ADGRL4: variants seen among roughly 807,000 people sequenced by gnomAD.
The protein encoded by ADGRL4 is EGF, latrophilin and seven transmembrane domain containing 1.
A neutral mutation model predicts 74.8 loss-of-function variants in ADGRL4; 90 were observed. The observed-to-expected ratio is 1.20, with a 90% confidence interval of 1.02 to 1.43. The LOEUF is 1.43. Among genes scored for constraint, ADGRL4 ranks in the 40% most tolerant of loss-of-function variants. The pLI is 0.00. For synonymous variants in ADGRL4, 311 were observed against 279.2 expected, an observed-to-expected ratio of 1.11 and a Z score of -1.14; for missense variants, 881 against 814.3, an observed-to-expected ratio of 1.08 and a Z score of -1.00.
intron 2 of ADGRL4, among the ~76,000 whole-genome samples, chr1:78,988,812 AAAAC>A (rs1369924514): frequency 1.3e-5 from 2 of 151,852 alleles, no homozygotes; most frequent in Admixed American, 6.6e-5. Context: ...ATTCGTCTTT[AAAAC>A]AAACAAAGTT....
chr1:78,927,140 T>A, intron 7 of ADGRL4, 49 bp from the exon 8 acceptor site: 1 of 1,198,428 alleles, frequency 8.3e-7, no homozygotes, highest in Non-Finnish European at 1.2e-6. Flanking sequence ...AAACAAAGTG[T>A]ATTTAGACTC....
Position 78,891,097 on chromosome 1 carries a change from T to A in ADGRL4, c.*57A>T. 2 of 1,536,838 alleles carry A rather than the reference T, an allele frequency of 1.3e-6. No individual in the cohort carries two copies. The highest frequency in any genetic ancestry group is 1.8e-6 in the Non-Finnish European group (2 of 1,110,698). ...ATGAGTCATTTTTATACATTGGTCA[T>A]CCACAGCTTGGAATTTTTATTTTTG... On this transcript the variant is annotated 3_prime_UTR_variant, in exon 15 of 15. Coordinates refer to ENST00000370742, the MANE Select transcript of ADGRL4 (RefSeq NM_022159.4).
Position 78,956,948 on chromosome 1 carries a change from C to A in ADGRL4, c.173-10522G>T, listed in dbSNP as rs181569039. On this transcript the variant is annotated intron_variant, in intron 2 of 14. Coordinates refer to ENST00000370742, the MANE Select transcript of ADGRL4 (RefSeq NM_022159.4). ...CATTGGCATCATTTTTCCAAAAGCA[C>A]GCGCTCACTTCAAGTCTGTGTCATA... 2.6e-3 allele frequency among the ~76,000 whole-genome samples: 393 copies of A among 152,220 alleles called. 2 individuals are homozygous for A. The highest frequency in any genetic ancestry group is 0.017 in the Middle Eastern group (5 of 294).
At chr1:78,938,788 T>A (rs1219014024) in intron 4 of ADGRL4, among the ~76,000 whole-genome samples, 2 of 152,108 alleles carry the variant, frequency 1.3e-5, no homozygotes, top group African/African-American at 4.8e-5. Flanking sequence ...AATTATTTTA[T>A]AAATCACCTA....
At chr1:78,943,563 A>G (rs1325155149) in intron 3 of ADGRL4, among the ~76,000 whole-genome samples, 2 of 152,194 alleles carry the variant, frequency 1.3e-5, no homozygotes, top group Admixed American at 1.3e-4. Context: ...TTTTTTATTC[A>G]TAGAGATTTT....
intron 12 of ADGRL4, among the ~76,000 whole-genome samples, chr1:78,915,711 AAT>A (rs1447864217): frequency 6.6e-6 from 1 of 151,804 alleles, no homozygotes; most frequent in Non-Finnish European, 1.5e-5. Flanking sequence ...TTTGGTGTTC[AAT>A]ATCTCTTTGA....
rs143950547 is a variant in ADGRL4, at chr1:79,001,008, C to T, written c.172+4062G>A. On this transcript the variant is annotated intron_variant, in intron 2 of 14. Transcript: ENST00000370742. Reference sequence around the variant, plus strand: ...TGAAGCAAAACATACATATAATATTCGTGAGATATATACTTGTAATTTTTG... The same window carrying T: ...TGAAGCAAAACATACATATAATATTTGTGAGATATATACTTGTAATTTTTG... 2.6e-3 allele frequency among the ~76,000 whole-genome samples: 402 copies of T among 151,874 alleles called. 1 individual carries two copies. The highest frequency in any genetic ancestry group is 9.4e-3 in the African/African-American group (388 of 41,396).
intron 2 of ADGRL4, among the ~76,000 whole-genome samples, chr1:78,954,176 T>TAAC (rs1162860419): frequency 0.019 from 2,948 of 151,740 alleles, 85 homozygotes; most frequent in African/African-American, 0.06. Flanking sequence ...AAATAAATAA[T>TAAC]AAATAAATAG....
intron 12 of ADGRL4, among the ~76,000 whole-genome samples, chr1:78,903,145 C>A (rs757160659): frequency 1.3e-5 from 2 of 152,158 alleles, no homozygotes; most frequent in African/African-American, 4.8e-5. Flanking sequence ...CATGTCAGAT[C>A]TGAGCCATTC....
At chr1:79,006,275 T>A (rs1650960428) in intron 1 of ADGRL4, among the ~76,000 whole-genome samples, 1 of 152,140 alleles carries the variant, frequency 6.6e-6, no homozygotes, top group Non-Finnish European at 1.5e-5. Flanking sequence ...CACAGTATGT[T>A]CAAAATGAAG....
chr1:78,967,556 G>A (rs149246055), intron 2 of ADGRL4, among the ~76,000 whole-genome samples: 352 of 152,232 alleles, frequency 2.3e-3, no homozygotes, highest in African/African-American at 8.3e-3. Flanking sequence ...GTAAATTTTT[G>A]TTCAGGGTTA....
At chr1:78,892,988 G>A in intron 13 of ADGRL4, 110 bp downstream of exon 13, 1 of 660,218 alleles carries the variant, frequency 1.5e-6, no homozygotes, top group Non-Finnish European at 2.5e-6. Context: ...ATATGGTAAA[G>A]TATGAAACAA....
chr1:78,981,967 C>G (rs1006501334), intron 2 of ADGRL4, among the ~76,000 whole-genome samples: 5 of 151,664 alleles, frequency 3.3e-5, no homozygotes, highest in African/African-American at 9.7e-5. Flanking sequence ...TCTTTGTAAT[C>G]TGCCTCATAT....
intron 2 of ADGRL4, among the ~76,000 whole-genome samples, chr1:78,992,741 CCAGA>C (rs1650633392): frequency 6.6e-6 from 1 of 151,976 alleles, no homozygotes; most frequent in South Asian, 2.1e-4. Context: ...AATTTTTATG[CCAGA>C]CAAATTTGAT....
intron 8 of ADGRL4, among the ~76,000 whole-genome samples, 178 bp downstream of exon 8, chr1:78,926,708 G>T (rs568192088): frequency 6.6e-6 from 1 of 152,024 alleles, no homozygotes; most frequent in South Asian, 2.1e-4. Context: ...AATGTTTAAA[G>T]AGCTGTGAAA....
At chr1:78,963,204 T>C (rs12045470) in intron 2 of ADGRL4, among the ~76,000 whole-genome samples, 13,642 of 152,254 alleles carry the variant, frequency 0.09, 821 homozygotes, top group East Asian at 0.34. Flanking sequence ...ACATCTATTA[T>C]TGACAAGTTG....
chr1:79,003,788 A>G (rs1242263492), intron 2 of ADGRL4, among the ~76,000 whole-genome samples: 2 of 152,066 alleles, frequency 1.3e-5, no homozygotes, highest in African/African-American at 2.4e-5. Flanking sequence ...AAGCACATTA[A>G]TTTGTGAGAT....
At chr1:78,895,891 C>T (rs545967459) in intron 12 of ADGRL4, among the ~76,000 whole-genome samples, 4 of 152,128 alleles carry the variant, frequency 2.6e-5, no homozygotes, top group East Asian at 1.9e-4. Context: ...GACCAGAAAA[C>T]AGGCAAGTGC....
rs955323031 is a variant in ADGRL4 at position 78,890,447 on chromosome 1, G to C, written c.*707C>G. On this transcript the variant is annotated 3_prime_UTR_variant, in exon 15 of 15. Transcript: ENST00000370742. ...TAGTATATATCTCAGTCTAACCTTA[G>C]AAACAGATTTTTTTCACTTTTTTTT... The C allele has an allele frequency of 6.8e-6, 1 of 146,436 alleles. No homozygotes were observed. Among genetic ancestry groups the C allele is most frequent in the Non-Finnish European group, 1.5e-5 (1 of 66,876 alleles). The allele number at this position is 146,436 out of a possible 1,614,324, so 9.1% of individuals were successfully genotyped here.
Sources: gnomAD v4.1 joint callset for allele counts (sites outside exome capture counted in the v4.1 genomes callset) on GRCh38, gnomAD v4.1.1 for gene constraint, MANE v1.5 for transcripts, NCBI Gene and HGNC (gene_info 2026-07-23, HGNC 2026-07-21) for gene names.